NCKAP5: variants seen among roughly 807,000 people sequenced by gnomAD.
The protein encoded by NCKAP5 is nck-associated protein 5.
A neutral mutation model predicts 167.0 loss-of-function variants in NCKAP5; 92 were observed. The ratio of observed to expected loss-of-function variants is 0.55; its 90% CI spans 0.47 to 0.66. The LOEUF (loss-of-function observed/expected upper bound fraction) is 0.66. Among genes scored for constraint, NCKAP5 ranks in the 30% least tolerant of loss-of-function variants. The probability of loss-of-function intolerance (pLI) is 0.00; values close to 1 mark genes in which losing one functional copy is unlikely to be tolerated. For synonymous variants in NCKAP5, 891 were observed against 877.4 expected, an observed-to-expected ratio of 1.02 and a Z score of -0.27; for missense variants, 2,378 against 2,315.0, an observed-to-expected ratio of 1.03 and a Z score of -0.56.
At chr2:133,169,731 A>G (rs914955581) in intron 5 of NCKAP5, among the ~76,000 whole-genome samples, 1 of 152,220 alleles carries the variant, frequency 6.6e-6, no homozygotes, top group African/African-American at 2.4e-5. Flanking sequence ...TGCTACGCAG[A>G]GCAGTAGCAA....
rs1573939877 is a variant in NCKAP5 at position 133,071,112 on chromosome 2, T to C, written c.341+58866A>G. Among the ~76,000 whole-genome samples, 7 of 152,248 alleles carry C rather than the reference T, an allele frequency of 4.6e-5. 1 individual carries two copies. The South Asian group carries it at 1.5e-3, about 32-fold the overall frequency. On this transcript the variant is annotated intron_variant, in intron 6 of 19. Coordinates refer to ENST00000409261, the MANE Select transcript of NCKAP5 (RefSeq NM_207363.3). ...CACTAAAGAAGCAAAAATAAGTCTG[T>C]TAATTTCCAGGAAGCTTCAACTATA... is the stretch of plus-strand genomic sequence containing the variant.
At chr2:133,438,712 G>A (rs1690651823) in intron 3 of NCKAP5, among the ~76,000 whole-genome samples, 3 of 152,114 alleles carry the variant, frequency 2.0e-5, no homozygotes, top group Admixed American at 1.3e-4. Flanking sequence ...GCAACAAATT[G>A]TAACTCAGAG....
At chr2:133,443,695 T>C (rs1473043944) in intron 3 of NCKAP5, among the ~76,000 whole-genome samples, 1 of 152,202 alleles carries the variant, frequency 6.6e-6, no homozygotes, top group Non-Finnish European at 1.5e-5. Context: ...AGCTCACCCC[T>C]GAGTCTCCTC....
rs144886479 is a variant in NCKAP5, at chr2:132,921,345, C to A, written c.579+42375G>T. Among the ~76,000 whole-genome samples the A allele has an allele frequency of 5.1e-4, 78 of 152,244 alleles. 2 individuals are homozygous for A. In the East Asian group the frequency reaches 0.014, roughly 28 times the overall value. ...CAGGCCCTCAATCCTGTAGATTCTCCCTTTTTAACATTCCTCAAACATGTG... is the reference window on the plus strand; with the variant it reads ...CAGGCCCTCAATCCTGTAGATTCTCACTTTTTAACATTCCTCAAACATGTG... On this transcript the variant is annotated intron_variant, in intron 8 of 19. Coordinates refer to ENST00000409261, the MANE Select transcript of NCKAP5 (RefSeq NM_207363.3).
chr2:133,201,379 G>T (rs1335037748), intron 5 of NCKAP5, among the ~76,000 whole-genome samples: 1 of 152,096 alleles, frequency 6.6e-6, no homozygotes, highest in Non-Finnish European at 1.5e-5. Context: ...AGATAAAAGA[G>T]GACTGACTAC....
In NCKAP5 at chr2:133,129,858, G is replaced by GT. The variant is rs551239463; in HGVS notation, c.341+119dup. On this transcript the variant is annotated intron_variant, in intron 6 of 19. Transcript: ENST00000409261. ...TCAGTCAGAACAGAAGGTCTAAATG[G>GT]TTGGTAAATTAGCTCATCAAACACA... is the stretch of plus-strand genomic sequence containing the variant. 3.5e-4 allele frequency: 414 copies of GT among 1,188,804 alleles called. 1 individual carries two copies. The African/African-American group carries it at 5.2e-3, about 15-fold the overall frequency. The allele number at this position is 1,188,804 out of a possible 1,614,324, so 73.6% of individuals were successfully genotyped here.
chr2:133,120,840 T>A lies in NCKAP5; in HGVS notation c.341+9138A>T, dbSNP rs561622873. Among the ~76,000 whole-genome samples the A allele has an allele frequency of 5.6e-4, 85 of 152,304 alleles. 2 individuals are homozygous for A. Among genetic ancestry groups the A allele is most frequent in the Non-Finnish European group, 7.8e-4 (53 of 68,026 alleles). ...CTACAACCTCCCTTGGAAGCAAATT[T>A]CTGTCATAAACACACTATCTGTAAA... is the stretch of plus-strand genomic sequence containing the variant. On this transcript the variant is annotated intron_variant, in intron 6 of 19. Transcript: ENST00000409261.
At chr2:133,235,608 A>G (rs2150270374) in intron 4 of NCKAP5, among the ~76,000 whole-genome samples, 1 of 152,168 alleles carries the variant, frequency 6.6e-6, no homozygotes, top group South Asian at 2.1e-4. Context: ...TGGTGGCTCA[A>G]AATACAAAAT....
intron 3 of NCKAP5, among the ~76,000 whole-genome samples, chr2:133,427,834 T>C (rs981393147): frequency 1.3e-5 from 2 of 152,126 alleles, no homozygotes; most frequent in Non-Finnish European, 2.9e-5. Context: ...TTATCATGCT[T>C]ATTTATACTA....
At chr2:132,960,844 C>T (rs777857164) in intron 8 of NCKAP5, among the ~76,000 whole-genome samples, 19 of 152,118 alleles carry the variant, frequency 1.2e-4, no homozygotes, top group Admixed American at 3.9e-4. Context: ...TTAAAGAAGA[C>T]TGCTGTCCAC....
At chr2:133,065,107 C>T (rs1269616962) in intron 6 of NCKAP5, among the ~76,000 whole-genome samples, 1 of 152,136 alleles carries the variant, frequency 6.6e-6, no homozygotes, top group African/African-American at 2.4e-5. Context: ...AGAATAATCT[C>T]CTCTCCTCTC....
intron 7 of NCKAP5, among the ~76,000 whole-genome samples, chr2:132,984,999 A>C (rs547828621): frequency 6.6e-5 from 10 of 151,328 alleles, no homozygotes; most frequent in Middle Eastern, 3.4e-3. Flanking sequence ...CTGACCTGAA[A>C]CAATATTGGG....
At chr2:133,224,389 G>A (rs896153761) in intron 4 of NCKAP5, among the ~76,000 whole-genome samples, 15 of 152,236 alleles carry the variant, frequency 9.9e-5, no homozygotes, top group African/African-American at 2.9e-4. Flanking sequence ...AAACGCCTTC[G>A]CTCATATTCA....
chr2:133,117,796 A>G (rs1292756209), intron 6 of NCKAP5: 1 of 152,218 alleles, frequency 6.6e-6, no homozygotes. Context: ...CTTCAGGAAA[A>G]GAGTTCAAAG....
chr2:133,173,109 T>A (rs2084317145), intron 5 of NCKAP5, among the ~76,000 whole-genome samples: 1 of 152,164 alleles, frequency 6.6e-6, no homozygotes, highest in Non-Finnish European at 1.5e-5. Flanking sequence ...AAGACTCAGG[T>A]GAGATTATGT....
intron 6 of NCKAP5, among the ~76,000 whole-genome samples, chr2:133,100,563 A>G (rs1283395831): frequency 6.6e-6 from 1 of 152,116 alleles, no homozygotes; most frequent in Non-Finnish European, 1.5e-5. Context: ...TCACCACACT[A>G]TGGGCACTCA....
intron 5 of NCKAP5, among the ~76,000 whole-genome samples, chr2:133,134,673 G>C (rs533172819): frequency 6.6e-6 from 1 of 152,300 alleles, no homozygotes; most frequent in African/African-American, 2.4e-5. Flanking sequence ...GAATGATCTT[G>C]TCTATACCTC....
At chr2:133,178,163 C>T (rs1156256705) in intron 5 of NCKAP5, among the ~76,000 whole-genome samples, 1 of 152,104 alleles carries the variant, frequency 6.6e-6, no homozygotes, top group Non-Finnish European at 1.5e-5. Flanking sequence ...TTTTCTCCTA[C>T]TGGAGACGTA....
intron 3 of NCKAP5, among the ~76,000 whole-genome samples, chr2:133,325,863 T>C (rs1559385633): frequency 6.6e-6 from 1 of 152,206 alleles, no homozygotes; most frequent in Non-Finnish European, 1.5e-5. Context: ...CCTGGACCCA[T>C]CATACATTGT....
Sources: allele counts gnomAD v4.1 joint callset (sites outside exome capture counted in the v4.1 genomes callset), GRCh38; gene constraint gnomAD v4.1.1; transcripts MANE v1.5; gene names NCBI Gene and HGNC (gene_info 2026-07-23, HGNC 2026-07-21).